Variants in CLEC1B observed in about 807,000 individuals in gnomAD.
CLEC1B encodes the protein C-type lectin domain family 1 member B, also known as C-type lectin-like receptor 2.
CLEC1B carries 26 observed loss-of-function variants against 26.7 expected under a neutral mutation model. The ratio of observed to expected loss-of-function variants is 0.97; its 90% confidence interval spans 0.71 to 1.35. The LOEUF (loss-of-function observed/expected upper bound fraction) is 1.35. Among genes scored for constraint, CLEC1B ranks in the 40% most tolerant of loss-of-function variants. The pLI, the probability that CLEC1B is intolerant of heterozygous loss-of-function variation, is 0.00. For missense variants in CLEC1B, 293 were observed against 282.6 expected (o/e 1.04, Z -0.26); for synonymous variants, 112 against 96.0 (o/e 1.17, Z -0.97).
chr12:9,994,001 C>T (rs1349131299), intron 5 of CLEC1B, among the ~76,000 whole-genome samples: 1 of 151,750 alleles, frequency 6.6e-6, no homozygotes, highest in Non-Finnish European at 1.5e-5. Context: ...GTAAGAAGCC[C>T]ACAAAAAATA....
chr12:10,001,880 T>TC (rs1288370079), upstream of CLEC1B, among the ~76,000 whole-genome samples: 2 of 87,920 alleles, frequency 2.3e-5, no homozygotes, highest in Non-Finnish European at 5.4e-5. Context: ...CTAAACAAAA[T>TC]CTTTTTTTTT....
chr12:9,997,299 A>T lies in CLEC1B; in HGVS notation c.164-20T>A. The T allele has an allele frequency of 6.3e-7, 1 of 1,594,414 alleles. No individual in the cohort carries two copies. Among genetic ancestry groups the T allele is most frequent in the African/African-American group, 1.3e-5 (1 of 74,122 alleles). Reference sequence around the variant, plus strand: ...TGACAGCTAGGTTTAAAAAGTAAATAATAATAATTTGTAATTAGAACCATA... The same window carrying T: ...TGACAGCTAGGTTTAAAAAGTAAATTATAATAATTTGTAATTAGAACCATA... On this transcript the variant is annotated intron_variant, in intron 2 of 5. Coordinates refer to ENST00000298527, the MANE Select transcript of CLEC1B (RefSeq NM_016509.4).
At chr12:10,000,841 G>A (rs567312102), upstream of CLEC1B, among the ~76,000 whole-genome samples, 46 of 152,260 alleles carry the variant, frequency 3.0e-4, no homozygotes, top group Non-Finnish European at 5.6e-4. Flanking sequence ...TTCTGTCACA[G>A]TAACCCCTGT....
In CLEC1B at chr12:9,995,187, C is replaced by T. The variant is rs370262331; in HGVS notation, c.498G>A (p.Ser166=). 1.9e-5 allele frequency: 30 copies of T among 1,612,948 alleles called. No homozygotes were observed. Among genetic ancestry groups the T allele is most frequent in the African/African-American group, 2.7e-5 (2 of 74,822 alleles). Residue 166 remains serine, a synonymous_variant, in exon 5 of 6, where the codon TCG becomes TCA. Coordinates refer to ENST00000298527, the MANE Select transcript of CLEC1B (RefSeq NM_016509.4). ...IRWVGLSRQK[S]NEVWKWEDGS... ...CATCCTCCCACTTCCAGACCTCATTCGACTTCTGGCGAGATAATCCGACCC... is the reference window on the plus strand; with the variant it reads ...CATCCTCCCACTTCCAGACCTCATTTGACTTCTGGCGAGATAATCCGACCC...
At chr12:9,997,761 A>T (rs1033641074) in intron 2 of CLEC1B, among the ~76,000 whole-genome samples, 18 of 152,240 alleles carry the variant, frequency 1.2e-4, no homozygotes. Context: ...AAAAAAATCA[A>T]CAAATACACA....
At chr12:9,998,408 G>A (rs1180856969) in intron 1 of CLEC1B, 28 bp from the exon 2 acceptor site, 1 of 1,564,344 alleles carries the variant, frequency 6.4e-7, no homozygotes, top group Admixed American at 1.7e-5. Context: ...AGACATCAAG[G>A]AGCAGGCAGT....
At chr12:9,995,007 G>C (rs1865002602) in intron 5 of CLEC1B, 133 bp downstream of exon 5, 1 of 1,566,130 alleles carries the variant, frequency 6.4e-7, no homozygotes, top group Non-Finnish European at 8.6e-7. Flanking sequence ...GCGCTGTCTT[G>C]TTTGAATTAG....
chr12:9,996,581 T>C (rs1202073432), intron 4 of CLEC1B, among the ~76,000 whole-genome samples: 1 of 137,008 alleles, frequency 7.3e-6, no homozygotes, highest in African/African-American at 2.6e-5. Context: ...ATCACTGGGC[T>C]GACTCTTCAT....
chr12:9,997,486 G>A (rs2137243113), intron 2 of CLEC1B, among the ~76,000 whole-genome samples: 1 of 152,184 alleles, frequency 6.6e-6, no homozygotes, highest in South Asian at 2.1e-4. Flanking sequence ...GGGTTAATAA[G>A]TGAACTGTTT....
intron 2 of CLEC1B, among the ~76,000 whole-genome samples, chr12:9,997,537 C>T (rs181441498): frequency 2.6e-5 from 4 of 152,174 alleles, no homozygotes; most frequent in African/African-American, 4.8e-5. Flanking sequence ...ACATCGATAA[C>T]ATCCCCAGAG....
intron 5 of CLEC1B, among the ~76,000 whole-genome samples, chr12:9,993,793 C>T (rs1021491187): frequency 1.3e-5 from 2 of 152,100 alleles, no homozygotes; most frequent in Admixed American, 6.6e-5. Context: ...TTGTAATTGT[C>T]TGTTAAGTTA....
intron 5 of CLEC1B, among the ~76,000 whole-genome samples, chr12:9,994,034 G>T (rs1398238146): frequency 6.6e-6 from 1 of 152,070 alleles, no homozygotes; most frequent in Non-Finnish European, 1.5e-5. Flanking sequence ...TGAGACAGTG[G>T]TAAGAGTTAC....
At chr12:9,995,499 G>GT (rs1865021400) in intron 4 of CLEC1B, 2 of 412,202 alleles carry the variant, frequency 4.9e-6, no homozygotes, top group South Asian at 4.2e-5. Context: ...TTTATAACAT[G>GT]TATTTAGATC....
upstream of CLEC1B, among the ~76,000 whole-genome samples, chr12:9,999,549 T>C (rs562295611): frequency 1.3e-5 from 2 of 152,364 alleles, no homozygotes; most frequent in South Asian, 4.1e-4. Flanking sequence ...TATCTCATTG[T>C]GAGAAGCAAG....
chr12:10,001,288 T>A (rs780911692), upstream of CLEC1B, among the ~76,000 whole-genome samples: 3 of 152,224 alleles, frequency 2.0e-5, no homozygotes, highest in Non-Finnish European at 4.4e-5. Flanking sequence ...CAGGATTAGT[T>A]CTTGATCCTT....
rs181574111 is a variant in CLEC1B at position 9,999,014 on chromosome 12, T to G, written c.64+23A>C. On this transcript the variant is annotated intron_variant, in intron 1 of 5. Transcript: ENST00000298527. ...CTCATTTTTTAAATTAATTTCCAAA[T>G]TATTGGCTCTGAGCATTCTTACCGG... The G allele has an allele frequency of 4.9e-5, 68 of 1,391,032 alleles. No homozygotes were observed. In the Admixed American group the frequency reaches 1.1e-3, roughly 22 times the overall value. 86.2% of individuals were successfully genotyped at this position (1,391,032 alleles called of 1,614,324 possible).
At chr12:9,998,918 T>A in intron 1 of CLEC1B, 119 bp downstream of exon 1, 1 of 623,374 alleles carries the variant, frequency 1.6e-6, no homozygotes, top group Non-Finnish European at 2.7e-6. Context: ...TTTAGAGCAT[T>A]AACATCATTC....
At chr12:10,001,897 TGAGAC>T (rs1865164276), upstream of CLEC1B, among the ~76,000 whole-genome samples, 2 of 150,422 alleles carry the variant, frequency 1.3e-5, no homozygotes, top group Admixed American at 6.6e-5. Flanking sequence ...TTTTTTTTTT[TGAGAC>T]TGAGTCTTGC....
chr12:9,996,993 A>G lies in CLEC1B; in HGVS notation c.291T>C (p.His97=). The change falls in exon 4 of 6, where the codon CAT becomes CAC. Residue 97 remains histidine (H), a synonymous_variant. Coordinates refer to ENST00000298527, the MANE Select transcript of CLEC1B (RefSeq NM_016509.4). ...QSELKGTFKG[H]KCSPCDTNWR... ...AGTTTGTGTCACAGGGGCTGCATTT[A>G]TGACCTTCTGGAGAAACCAAGCACA... 6.2e-7 allele frequency: 1 copy of G among 1,613,976 alleles called. No homozygotes were observed. Among genetic ancestry groups the G allele is most frequent in the Non-Finnish European group, 8.5e-7 (1 of 1,179,958 alleles).
Sources: allele counts gnomAD v4.1 joint callset (sites outside exome capture counted in the v4.1 genomes callset), GRCh38; gene constraint gnomAD v4.1.1; transcripts MANE v1.5; gene names NCBI Gene and HGNC (gene_info 2026-07-23, HGNC 2026-07-21).